TRPM6: variants seen among roughly 807,000 people sequenced by gnomAD.
The protein encoded by TRPM6 is channel kinase 2.
A neutral mutation model predicts 247.6 loss-of-function variants in TRPM6; 111 were observed. The observed-to-expected ratio is 0.45, with a 90% CI of 0.38 to 0.52. TRPM6 has a LOEUF of 0.52. TRPM6 is among the 20% of genes least tolerant of loss of function. The probability of loss-of-function intolerance (pLI) is 0.00; values close to 1 mark genes in which losing one functional copy is unlikely to be tolerated. For missense variants in TRPM6, 2,126 were observed against 2,421.5 expected (o/e 0.88, Z 2.56); for synonymous variants, 892 against 853.8 (o/e 1.04, Z -0.78).
chr9:74,773,114 G>A (rs780253399), intron 24 of TRPM6, among the ~76,000 whole-genome samples: 11 of 152,138 alleles, frequency 7.2e-5, no homozygotes, highest in Admixed American at 3.3e-4. Context: ...GCAACAGAGC[G>A]AGACTCCATC....
intron 37 of TRPM6, among the ~76,000 whole-genome samples, chr9:74,731,785 G>T (rs1825530539): frequency 6.6e-6 from 1 of 151,696 alleles, no homozygotes; most frequent in Middle Eastern, 3.4e-3. Context: ...AAGTAAAAAT[G>T]TATGCTGGCA....
intron 28 of TRPM6, among the ~76,000 whole-genome samples, chr9:74,755,098 G>T (rs1826388979): frequency 6.6e-6 from 1 of 152,116 alleles, no homozygotes; most frequent in Non-Finnish European, 1.5e-5. Flanking sequence ...TCTGAGTCAG[G>T]TTCAACAGCT....
At chr9:74,812,515 A>G in intron 11 of TRPM6, 82 bp from the exon 12 acceptor site, 2 of 1,318,700 alleles carry the variant, frequency 1.5e-6, no homozygotes, top group Non-Finnish European at 2.1e-6. Flanking sequence ...TGAACTCAAA[A>G]TTACACAAAC....
intron 16 of TRPM6, among the ~76,000 whole-genome samples, chr9:74,801,593 C>A (rs1314033037): frequency 6.6e-6 from 1 of 152,118 alleles, no homozygotes; most frequent in East Asian, 1.9e-4. Flanking sequence ...TTAGGGGGAG[C>A]TTTCAAAATC....
intron 35 of TRPM6, among the ~76,000 whole-genome samples, 167 bp from the exon 36 acceptor site, chr9:74,738,779 T>G (rs1037724561): frequency 2.6e-5 from 4 of 152,106 alleles, no homozygotes; most frequent in African/African-American, 7.2e-5. Flanking sequence ...ATATTGGGAA[T>G]TTTTCTTTCC....
intron 6 of TRPM6, among the ~76,000 whole-genome samples, chr9:74,833,073 A>C (rs1362060262): frequency 1.3e-5 from 2 of 152,170 alleles, no homozygotes; most frequent in Non-Finnish European, 2.9e-5. Flanking sequence ...AAAAAATTTA[A>C]AACAACCCAT....
intron 31 of TRPM6, among the ~76,000 whole-genome samples, chr9:74,745,724 G>A (rs1472824676): frequency 6.6e-6 from 1 of 152,176 alleles, no homozygotes; most frequent in Non-Finnish European, 1.5e-5. Flanking sequence ...GAAATGCACT[G>A]ACAGAAATGA....
At chr9:74,832,881 T>C (rs996283514) in intron 6 of TRPM6, among the ~76,000 whole-genome samples, 17 of 152,058 alleles carry the variant, frequency 1.1e-4, no homozygotes, top group African/African-American at 4.1e-4. Flanking sequence ...TGAAACCCTG[T>C]CTCTACTAAA....
At chr9:74,815,131 C>T (rs755057836) in intron 11 of TRPM6, among the ~76,000 whole-genome samples, 7 of 151,912 alleles carry the variant, frequency 4.6e-5, no homozygotes, top group Non-Finnish European at 1.5e-5. Flanking sequence ...GGGGGTGTTA[C>T]GGAAGAGAAG....
chr9:74,853,279 G>A (rs966161700), intron 3 of TRPM6, among the ~76,000 whole-genome samples: 95 of 151,566 alleles, frequency 6.3e-4, no homozygotes, highest in Non-Finnish European at 1.1e-3. Context: ...GGGAAGTGAG[G>A]AGCGTCTCCG....
chr9:74,834,045 G>T lies in TRPM6; in HGVS notation c.622C>A (p.Pro208Thr), dbSNP rs755626959. ...SLRKIWTVGIPPWGVIENQRD... is the reference protein window; with the variant it reads ...SLRKIWTVGITPWGVIENQRD... The stretch of plus-strand genomic sequence containing the variant: ...TGGTTCTCAATGACACCCCAAGGAG[G>T]GATTCCAACTGTCCAGATTTTTCTC... Residue 208 changes from proline to threonine, a missense_variant, in exon 6 of 39, where the codon CCT (proline) becomes ACT (threonine). Pro to Thr is a conservative substitution (Grantham distance 38). Coordinates refer to ENST00000360774, the MANE Select transcript of TRPM6 (RefSeq NM_017662.5). 159 of 1,613,928 alleles carry T rather than the reference G, an allele frequency of 9.9e-5. 1 individual carries two copies. In the Admixed American group the frequency reaches 2.6e-3, roughly 26 times the overall value.
At chr9:74,883,193 C>T (rs1260169818) in intron 1 of TRPM6, among the ~76,000 whole-genome samples, 1 of 152,054 alleles carries the variant, frequency 6.6e-6, no homozygotes, top group Non-Finnish European at 1.5e-5. Context: ...GTCAGAATTT[C>T]CCTCCATTTT....
At chr9:74,880,958 T>G (rs546239383) in intron 1 of TRPM6, among the ~76,000 whole-genome samples, 35 of 152,168 alleles carry the variant, frequency 2.3e-4, no homozygotes, top group Non-Finnish European at 4.0e-4. Flanking sequence ...TGGATTAAAT[T>G]TTCTACTTAA....
At chr9:74,755,657 C>T (rs1042644224) in intron 27 of TRPM6, among the ~76,000 whole-genome samples, 184 bp from the exon 28 acceptor site, 4 of 152,190 alleles carry the variant, frequency 2.6e-5, no homozygotes, top group Non-Finnish European at 5.9e-5. Context: ...CATGTGATTT[C>T]TCTTTGCAGT....
At position 74,868,425 on chromosome 9, in the gene TRPM6, G is replaced by A. The variant is rs185597955; in HGVS notation, c.34-9677C>T. On this transcript the variant is annotated intron_variant, in intron 1 of 38. Transcript: ENST00000360774. ...CAGGAGAATCATTTGAACCCAGGAG[G>A]TGGAGGTTGCAGTGAGCTGAGATCA... 2.1e-3 allele frequency among the ~76,000 whole-genome samples: 319 copies of A among 152,134 alleles called. 6 individuals carry two copies. The highest frequency in any genetic ancestry group is 7.3e-3 in the African/African-American group (303 of 41,486).
chr9:74,732,106 A>G (rs985166741), intron 37 of TRPM6, among the ~76,000 whole-genome samples: 2 of 152,234 alleles, frequency 1.3e-5, no homozygotes, highest in African/African-American at 4.8e-5. Flanking sequence ...GGGATAAAAT[A>G]TCCATGGGAA....
At position 74,834,456 on chromosome 9, in the gene TRPM6, C is replaced by CTTATTATTATTATTA. The variant is rs113274138; in HGVS notation, c.545-349_545-335dup. ...AAGCCCAGCCCTAACATTATGAATGCTTATTATTATTATTATTATTATTAT... is the reference window on the plus strand; with the variant it reads ...AAGCCCAGCCCTAACATTATGAATGCTTATTATTATTATTATTATTATTATTATTATTATTATTAT... On this transcript the variant is annotated intron_variant, in intron 5 of 38. Transcript: ENST00000360774. Among the ~76,000 whole-genome samples the CTTATTATTATTATTA allele has an allele frequency of 2.2e-3, 337 of 150,088 alleles. 2 individuals are homozygous for CTTATTATTATTATTA. The highest frequency in any genetic ancestry group is 7.8e-3 in the African/African-American group (316 of 40,660).
chr9:74,759,776 TTCA>T (rs2118830214), intron 27 of TRPM6, among the ~76,000 whole-genome samples: 1 of 151,828 alleles, frequency 6.6e-6, no homozygotes, highest in African/African-American at 2.4e-5. Flanking sequence ...AATCAAACAC[TTCA>T]TCAAAAAAAT....
chr9:74,724,385 C>T lies in TRPM6; in HGVS notation c.*228G>A, dbSNP rs972355843. On this transcript the variant is annotated 3_prime_UTR_variant, in exon 39 of 39. Coordinates refer to ENST00000360774, the MANE Select transcript of TRPM6 (RefSeq NM_017662.5). ...CCCAGCTGACTCATCCAAGCATCTT[C>T]GTGTGGAACTTGAGGATGGAGCTGC... The T allele has an allele frequency of 5.1e-6, 3 of 587,206 alleles. No individual in the cohort carries two copies. The highest frequency in any genetic ancestry group is 1.9e-5 in the African/African-American group (1 of 53,658). The allele number at this position is 587,206 out of a possible 1,614,324, so 36.4% of individuals were successfully genotyped here.
Sources: gnomAD v4.1 joint callset for allele counts (sites outside exome capture counted in the v4.1 genomes callset) on GRCh38, gnomAD v4.1.1 for gene constraint, MANE v1.5 for transcripts, NCBI Gene and HGNC (gene_info 2026-07-23, HGNC 2026-07-21) for gene names.